ADGRG4: variants seen among roughly 807,000 people sequenced by gnomAD.
ADGRG4 encodes the protein G protein-coupled receptor 112.
Under a neutral mutation model 126.2 loss-of-function variants are expected in ADGRG4, and 122 were observed. The ratio of observed to expected loss-of-function variants is 0.97; its 90% CI spans 0.83 to 1.12. ADGRG4 has a LOEUF of 1.12. ADGRG4 is among the 50% of genes most tolerant of loss of function. The pLI, the probability that ADGRG4 is intolerant of heterozygous loss-of-function variation, is 0.00. For synonymous variants in ADGRG4, 943 were observed against 838.7 expected (o/e 1.12, Z -2.15); for missense variants, 2,481 against 2,251.8 (o/e 1.10, Z -2.06).
At chrX:136,353,085 C>A (rs767912929) in intron 7 of ADGRG4, among the ~76,000 whole-genome samples, 1 of 111,628 alleles carries the variant, frequency 9.0e-6, no homozygotes, top group Non-Finnish European at 1.9e-5. Context: ...TTTAACCTTA[C>A]ATCCCCAAAG....
chrX:136,309,261 G>T (rs1427498366), intron 4 of ADGRG4, among the ~76,000 whole-genome samples: 2 of 112,266 alleles, frequency 1.8e-5, no homozygotes, highest in African/African-American at 6.5e-5. Flanking sequence ...AAGAATCATA[G>T]AATACAGATG....
chrX:136,371,451 G>A lies in ADGRG4; in HGVS notation c.7520G>A (p.Ser2507Asn). The change falls in exon 14 of 26, where the codon AGT (serine) becomes AAT (asparagine). Residue 2507 changes from serine to asparagine, a missense_variant. Coordinates refer to ENST00000394143, the MANE Select transcript of ADGRG4 (RefSeq NM_153834.4). ...GATATTTCACAATGTGATGAGATAA[G>A]TATGAACCTAACTCATGTTATGTTA... ...ISDISQCDEI[S>N]MNLTHVMLQI... is the part of the protein sequence containing the mutation. The A allele has an allele frequency of 8.4e-7, 1 of 1,194,383 alleles. No homozygotes were observed. Among genetic ancestry groups the A allele is most frequent in the Non-Finnish European group, 1.1e-6 (1 of 882,821 alleles).
At chrX:136,340,567 G>A (rs1364046403) in intron 5 of ADGRG4, among the ~76,000 whole-genome samples, 1 of 111,404 alleles carries the variant, frequency 9.0e-6, no homozygotes, top group Non-Finnish European at 1.9e-5. Context: ...GCAGAACTTG[G>A]CATTTAGTAT....
chrX:136,343,361 C>G (rs1038994834), intron 5 of ADGRG4, among the ~76,000 whole-genome samples: 4 of 111,019 alleles, frequency 3.6e-5, no homozygotes, highest in Non-Finnish European at 7.6e-5. Flanking sequence ...GAAACGATAT[C>G]AAGTAAACAA....
chrX:136,414,424 A>G (rs933876991), intron 25 of ADGRG4, 97 bp downstream of exon 25: 13 of 696,944 alleles, frequency 1.9e-5, no homozygotes, highest in Admixed American at 8.9e-5. Flanking sequence ...TTCCTCTTCA[A>G]AACTAAATGC....
At chrX:136,304,368 G>A (rs1010371874) in intron 2 of ADGRG4, among the ~76,000 whole-genome samples, 161 bp downstream of exon 2, 15 of 111,593 alleles carry the variant, frequency 1.3e-4, no homozygotes, top group South Asian at 3.7e-4. Context: ...AATTCTTACC[G>A]TACAAAAGCA....
At chrX:136,381,263 A>G (rs1308993757) in intron 15 of ADGRG4, among the ~76,000 whole-genome samples, 1 of 110,022 alleles carries the variant, frequency 9.1e-6, no homozygotes, top group Non-Finnish European at 1.9e-5. Context: ...TCGTATTATT[A>G]TTTTTTCAGA....
intron 3 of ADGRG4, chrX:136,306,098 A>G (rs2074731623): frequency 8.9e-6 from 1 of 111,959 alleles, no homozygotes; most frequent in Admixed American, 9.5e-5. Context: ...CACATCAAAC[A>G]TAGGAATTTA....
At chrX:136,306,754 G>T (rs769453674) in intron 3 of ADGRG4, among the ~76,000 whole-genome samples, 1 of 96,914 alleles carries the variant, frequency 1.0e-5, no homozygotes, top group South Asian at 4.8e-4. Flanking sequence ...TCGCTCTGTC[G>T]CCCTGGCTGG....
chrX:136,360,090 G>T (rs187555508), intron 11 of ADGRG4, among the ~76,000 whole-genome samples: 2 of 111,444 alleles, frequency 1.8e-5, no homozygotes. Flanking sequence ...AGCCTGTGAC[G>T]GTGCAGGGGT....
Position 136,345,654 on chromosome X carries a change from T to C in ADGRG4, c.1948T>C (p.Ser650Pro), listed in dbSNP as rs765869573. The C allele has an allele frequency of 4.1e-6, 5 of 1,210,962 alleles. No individual in the cohort carries two copies. The highest frequency in any genetic ancestry group is 3.5e-5 in the South Asian group (2 of 56,895). Reference sequence around the variant, plus strand: ...AACTGATGAAGCTGCCCATCTGTTCTCCAGCAATGAGACCATTTGGACTTC... The same window carrying C: ...AACTGATGAAGCTGCCCATCTGTTCCCCAGCAATGAGACCATTTGGACTTC... ...STTDEAAHLF[S>P]SNETIWTSRP... is the part of the protein sequence containing the mutation. The change falls in exon 6 of 26, where the codon TCC (serine) becomes CCC (proline). Residue 650 changes from serine to proline, a missense_variant. Transcript: ENST00000394143.
intron 24 of ADGRG4, 50 bp from the exon 25 acceptor site, chrX:136,414,110 A>G (rs774863649): frequency 2.0e-6 from 2 of 1,000,213 alleles, no homozygotes; most frequent in Admixed American, 5.6e-5. Context: ...TACTTTAAGT[A>G]TAGAATTTCA....
chrX:136,347,851 G>A lies in ADGRG4; in HGVS notation c.4145G>A (p.Ser1382Asn). ...ACTTTTTTGTGTCCTGAAAAGGAAA[G>A]CACGAGTGCCCTTCCAGCATATACT... ...ITTFLCPEKE[S>N]TSALPAYTPR... is the part of the protein sequence containing the mutation. The change falls in exon 6 of 26, where the codon AGC (serine) becomes AAC (asparagine). Residue 1382 changes from serine (S) to asparagine (N), a missense_variant. By Grantham distance (46) the Ser-to-Asn change is conservative. Coordinates refer to ENST00000394143, the MANE Select transcript of ADGRG4 (RefSeq NM_153834.4). 8.3e-7 allele frequency: 1 copy of A among 1,209,554 alleles called. No homozygotes were observed. The highest frequency in any genetic ancestry group is 1.1e-6 in the Non-Finnish European group (1 of 893,674).
rs201153873 is a variant in ADGRG4 at position 136,363,583 on chromosome X, A to G, written c.7384A>G (p.Thr2462Ala). ...PDKIVDLANI[T>A]ISDENAEDVA... ...CAAGATTGTGGATCTTGCTAATATT[A>G]CCATAAGTGATGGTAAGATTGTTTT... The change falls in exon 13 of 26, where the codon ACC becomes GCC. Residue 2462 changes from threonine (T) to alanine (A), a missense_variant. Coordinates refer to ENST00000394143, the MANE Select transcript of ADGRG4 (RefSeq NM_153834.4). 3.6e-6 allele frequency: 4 copies of G among 1,108,193 alleles called. No individual in the cohort carries two copies. Among genetic ancestry groups the G allele is most frequent in the Non-Finnish European group, 5.0e-6 (4 of 801,496 alleles). The allele number at this position is 1,108,193 out of a possible 1,213,427, so 91.3% of individuals were successfully genotyped here.
At chrX:136,370,775 C>T (rs1424494532) in intron 13 of ADGRG4, among the ~76,000 whole-genome samples, 1 of 111,772 alleles carries the variant, frequency 8.9e-6, no homozygotes, top group Non-Finnish European at 1.9e-5. Context: ...TTTGTGTATG[C>T]TTGCAAATTT....
intron 13 of ADGRG4, among the ~76,000 whole-genome samples, chrX:136,366,769 A>T: frequency 8.9e-6 from 1 of 112,093 alleles, no homozygotes; most frequent in Admixed American, 9.4e-5. Context: ...TTTAATTTGC[A>T]ATTCCTTAAT....
chrX:136,395,572 T>A, intron 19 of ADGRG4, 79 bp downstream of exon 19: 1 of 507,732 alleles, frequency 2.0e-6, no homozygotes, highest in Non-Finnish European at 3.2e-6. Context: ...GAACTGTTAT[T>A]AAAAAATGGT....
chrX:136,407,451 T>A (rs2075420349), intron 23 of ADGRG4, among the ~76,000 whole-genome samples: 1 of 111,863 alleles, frequency 8.9e-6, no homozygotes, highest in Admixed American at 9.5e-5. Flanking sequence ...TAAATTGACA[T>A]GCAGTTATTA....
At chrX:136,322,116 C>T (rs1569533550) in intron 4 of ADGRG4, among the ~76,000 whole-genome samples, 1 of 111,610 alleles carries the variant, frequency 9.0e-6, no homozygotes, top group Non-Finnish European at 1.9e-5. Context: ...CTTGAAACCA[C>T]TGCAGTGCCC....
Sources: gnomAD v4.1 joint callset for allele counts (sites outside exome capture counted in the v4.1 genomes callset) on GRCh38, gnomAD v4.1.1 for gene constraint, MANE v1.5 for transcripts, NCBI Gene and HGNC (gene_info 2026-07-23, HGNC 2026-07-21) for gene names.